RAB1A: variants seen among roughly 807,000 people sequenced by gnomAD.
RAB1A encodes RAB1A, member RAS oncogene family.
RAB1A carries 2 observed loss-of-function variants against 26.0 expected under a neutral mutation model. The ratio of observed to expected loss-of-function variants is 0.08; its 90% CI spans 0.03 to 0.24. The LOEUF (loss-of-function observed/expected upper bound fraction) is 0.24, where lower values mean the gene tolerates loss of function less well. RAB1A is among the 10% of genes least tolerant of loss of function. RAB1A has a pLI of 1.00. For synonymous variants in RAB1A, 84 were observed against 84.9 expected (o/e 0.99, Z 0.06); for missense variants, 100 against 247.0 (o/e 0.40, Z 3.99).
chr2:65,105,518 A>T (rs1301686990), intron 1 of RAB1A: 12 of 143,528 alleles, frequency 8.4e-5, no homozygotes, highest in African/African-American at 2.7e-4. Flanking sequence ...TCTCAAAAAA[A>T]AAAAAAAAAA....
At chr2:65,124,690 T>C (rs1317146730) in intron 1 of RAB1A, among the ~76,000 whole-genome samples, 13 of 152,132 alleles carry the variant, frequency 8.5e-5, no homozygotes, top group Non-Finnish European at 1.9e-4. Context: ...TCAGGTGATC[T>C]ACCGCCTGGG....
chr2:65,096,465 G>A (rs1030480916), intron 3 of RAB1A, among the ~76,000 whole-genome samples: 2 of 152,164 alleles, frequency 1.3e-5, no homozygotes, highest in Non-Finnish European at 2.9e-5. Context: ...AAATATGAAT[G>A]TTTCACACAC....
chr2:65,124,547 AAG>A (rs1670053117), intron 1 of RAB1A, among the ~76,000 whole-genome samples: 4 of 152,302 alleles, frequency 2.6e-5, no homozygotes, highest in Admixed American at 2.6e-4. Flanking sequence ...TCCAGGGTTC[AAG>A]AGATTCTCCC....
chr2:65,095,615 C>T (rs1269442122), intron 3 of RAB1A, among the ~76,000 whole-genome samples: 2 of 149,428 alleles, frequency 1.3e-5, no homozygotes, highest in Non-Finnish European at 3.0e-5. Context: ...TCTCTGACCT[C>T]GGCCTCCCAA....
intron 4 of RAB1A, among the ~76,000 whole-genome samples, chr2:65,089,853 C>A (rs1158444237): frequency 6.6e-6 from 1 of 152,098 alleles, no homozygotes; most frequent in African/African-American, 2.4e-5. Flanking sequence ...CAGGCACGGG[C>A]CCCCACGCCT....
chr2:65,125,864 CTTTTTT>C (rs55930968), intron 1 of RAB1A, among the ~76,000 whole-genome samples: 3 of 74,728 alleles, frequency 4.0e-5, no homozygotes, highest in Admixed American at 1.5e-4. Context: ...TTTCAATTGC[CTTTTTT>C]TTTTTTTTTT....
At chr2:65,093,769 C>A (rs1211469852) in intron 3 of RAB1A, among the ~76,000 whole-genome samples, 3 of 151,564 alleles carry the variant, frequency 2.0e-5, no homozygotes, top group African/African-American at 7.3e-5. Flanking sequence ...ATTACAGGCA[C>A]CTGCCACCAT....
intron 1 of RAB1A, among the ~76,000 whole-genome samples, chr2:65,106,143 A>AG (rs1242657286): frequency 6.6e-6 from 1 of 151,376 alleles, no homozygotes; most frequent in African/African-American, 2.5e-5. Context: ...CATGGAACTA[A>AG]GACAACATTA....
At chr2:65,096,500 C>T (rs1669289377) in intron 3 of RAB1A, among the ~76,000 whole-genome samples, 1 of 152,140 alleles carries the variant, frequency 6.6e-6, no homozygotes, top group Admixed American at 6.5e-5. Flanking sequence ...ATCTTATAAA[C>T]ACCAATGATC....
intron 1 of RAB1A, among the ~76,000 whole-genome samples, chr2:65,124,947 C>T (rs556785950): frequency 6.6e-6 from 1 of 151,478 alleles, no homozygotes; most frequent in African/African-American, 2.4e-5. Context: ...CTTCTTTAAA[C>T]TTTTCTGAGT....
chr2:65,101,144 T>TC (rs1669416056), intron 2 of RAB1A, among the ~76,000 whole-genome samples: 1 of 29,388 alleles, frequency 3.4e-5, no homozygotes, highest in Non-Finnish European at 6.2e-5. Context: ...AGACTCCATC[T>TC]CAAAAAAAAA....
At chr2:65,126,382 C>T (rs1670102755) in intron 1 of RAB1A, among the ~76,000 whole-genome samples, 1 of 151,816 alleles carries the variant, frequency 6.6e-6, no homozygotes, top group Non-Finnish European at 1.5e-5. Context: ...GTGGCTCACG[C>T]CTGTAATCCC....
chr2:65,108,767 T>C (rs957416223), intron 1 of RAB1A, among the ~76,000 whole-genome samples: 1 of 152,112 alleles, frequency 6.6e-6, no homozygotes, highest in Non-Finnish European at 1.5e-5. Flanking sequence ...GATCACATCA[T>C]TGTACTTCAG....
intron 3 of RAB1A, among the ~76,000 whole-genome samples, chr2:65,095,939 G>C (rs1669272593): frequency 6.6e-6 from 1 of 152,074 alleles, no homozygotes; most frequent in Admixed American, 6.6e-5. Flanking sequence ...AGATCACGAG[G>C]TCAGGAGTTC....
chr2:65,107,411 T>G (rs1308099029), intron 1 of RAB1A, among the ~76,000 whole-genome samples: 1 of 152,116 alleles, frequency 6.6e-6, no homozygotes, highest in Non-Finnish European at 1.5e-5. Flanking sequence ...ACAATGAGTA[T>G]ATGTTAAGAA....
chr2:65,124,777 A>G (rs1670057621), intron 1 of RAB1A, among the ~76,000 whole-genome samples: 1 of 152,136 alleles, frequency 6.6e-6, no homozygotes, highest in African/African-American at 2.4e-5. Context: ...ATCCTACAAG[A>G]TTATCTCATC....
intron 1 of RAB1A, among the ~76,000 whole-genome samples, chr2:65,120,107 T>C (rs1669924248): frequency 6.6e-6 from 1 of 152,062 alleles, no homozygotes; most frequent in Non-Finnish European, 1.5e-5. Flanking sequence ...TATTTGACTA[T>C]TTTTATAAAT....
chr2:65,089,500 T>C (rs1669118923), intron 4 of RAB1A, among the ~76,000 whole-genome samples: 1 of 152,030 alleles, frequency 6.6e-6, no homozygotes, highest in African/African-American at 2.4e-5. Flanking sequence ...GTGTTAGCCA[T>C]TGCAGCTGGC....
intron 1 of RAB1A, among the ~76,000 whole-genome samples, chr2:65,111,267 C>G (rs1390582907): frequency 6.6e-6 from 1 of 151,492 alleles, no homozygotes; most frequent in African/African-American, 2.4e-5. Context: ...GAGACTGAGG[C>G]AGGACAGTCA....
Sources: allele counts gnomAD v4.1 joint callset (sites outside exome capture counted in the v4.1 genomes callset), GRCh38; gene constraint gnomAD v4.1.1; transcripts MANE v1.5; gene names NCBI Gene and HGNC (gene_info 2026-07-23, HGNC 2026-07-21).